Variants in RBFOX1 observed in about 807,000 individuals in gnomAD.
RBFOX1 encodes RNA binding fox-1 homolog 1, also known as RNA binding protein fox-1 homolog 1.
Under a neutral mutation model 57.7 loss-of-function variants are expected in RBFOX1, and 8 were observed. That is an observed-to-expected ratio of 0.14 (90% confidence interval 0.08 to 0.25). The LOEUF is 0.25. Among genes scored for constraint, RBFOX1 ranks in the 10% least tolerant of loss-of-function variants. RBFOX1 has a pLI of 1.00. For synonymous variants in RBFOX1, 326 were observed against 222.4 expected, an observed-to-expected ratio of 1.47 and a Z score of -4.15; for missense variants, 611 against 548.5, an observed-to-expected ratio of 1.11 and a Z score of -1.14.
chr16:6,949,150 C>T (rs7194835), intron 3 of RBFOX1, among the ~76,000 whole-genome samples: 5,253 of 152,080 alleles, frequency 0.035, 306 homozygotes, highest in African/African-American at 0.12. Context: ...GTAACTGATG[C>T]CTTCCCCCAC....
chr16:5,640,518 ACACACATG>A (rs1004916311), intron 3 of RBFOX1, among the ~76,000 whole-genome samples: 8 of 149,798 alleles, frequency 5.3e-5, no homozygotes, highest in African/African-American at 2.0e-4. Flanking sequence ...ACATGCACAT[ACACACATG>A]CACATACACA....
intron 4 of RBFOX1, among the ~76,000 whole-genome samples, chr16:5,929,716 A>C (rs2059009583): frequency 6.6e-6 from 1 of 151,970 alleles, no homozygotes; most frequent in South Asian, 2.1e-4. Context: ...TGTTTTTTTT[A>C]TGTTAAAATG....
chr16:6,142,433 G>C (rs1197515390), intron 1 of RBFOX1, among the ~76,000 whole-genome samples: 1 of 151,906 alleles, frequency 6.6e-6, no homozygotes, highest in Non-Finnish European at 1.5e-5. Flanking sequence ...ATGTTAGCCA[G>C]GATGGTCTCG....
At chr16:7,148,492 C>A (rs1482221800) in intron 4 of RBFOX1, among the ~76,000 whole-genome samples, 1 of 152,194 alleles carries the variant, frequency 6.6e-6, no homozygotes, top group African/African-American at 2.4e-5. Context: ...TTTTCACACG[C>A]CGGCAGGAGG....
rs1169182059 is a variant in RBFOX1 at position 6,670,432 on chromosome 16, A to G, written c.-16+15782A>G. On this transcript the variant is annotated intron_variant, in intron 3 of 15. Transcript: ENST00000550418. Reference sequence around the variant, plus strand: ...GTTTTCATGTTGATTGAATTCACCAATTCATAAGTTGACAAATCTTAATTT... The same window carrying G: ...GTTTTCATGTTGATTGAATTCACCAGTTCATAAGTTGACAAATCTTAATTT... Among the ~76,000 whole-genome samples, 14 of 152,132 alleles carry G rather than the reference A, an allele frequency of 9.2e-5. 1 individual carries two copies. The highest frequency in any genetic ancestry group is 3.2e-3 in the Middle Eastern group (1 of 314).
At chr16:6,244,801 C>T (rs1350676904) in intron 1 of RBFOX1, among the ~76,000 whole-genome samples, 5 of 152,188 alleles carry the variant, frequency 3.3e-5, no homozygotes, top group African/African-American at 1.2e-4. Context: ...AGCCAACACA[C>T]CCGGCAAACT....
At chr16:6,179,002 G>A (rs969711666) in intron 1 of RBFOX1, among the ~76,000 whole-genome samples, 3 of 152,156 alleles carry the variant, frequency 2.0e-5, no homozygotes, top group African/African-American at 7.2e-5. Context: ...AAAAATATTT[G>A]TATACCACTC....
chr16:5,730,831 T>C (rs892547487), intron 3 of RBFOX1, among the ~76,000 whole-genome samples: 4 of 152,096 alleles, frequency 2.6e-5, no homozygotes, highest in Non-Finnish European at 4.4e-5. Flanking sequence ...GTCACCACCA[T>C]TATCATCATC....
intron 3 of RBFOX1, among the ~76,000 whole-genome samples, chr16:6,847,637 G>A (rs1263787628): frequency 6.6e-6 from 1 of 152,082 alleles, no homozygotes. Flanking sequence ...AAGAATTGCT[G>A]CCAGTAATTC....
chr16:7,591,460 A>C (rs1375053502), intron 7 of RBFOX1, among the ~76,000 whole-genome samples: 1 of 152,218 alleles, frequency 6.6e-6, no homozygotes, highest in Non-Finnish European at 1.5e-5. Context: ...TAAAAATACA[A>C]AAGATGAAAA....
intron 4 of RBFOX1, among the ~76,000 whole-genome samples, chr16:7,061,788 C>A (rs932035334): frequency 6.6e-6 from 1 of 152,140 alleles, no homozygotes; most frequent in African/African-American, 2.4e-5. Flanking sequence ...ATTTCTATGA[C>A]TGATGCCTCA....
chr16:7,283,026 A>C (rs1391610880), intron 4 of RBFOX1, among the ~76,000 whole-genome samples: 1 of 152,022 alleles, frequency 6.6e-6, no homozygotes, highest in Non-Finnish European at 1.5e-5. Flanking sequence ...TTGGTTCCAC[A>C]TTTTTGCAAT....
intron 14 of RBFOX1, among the ~76,000 whole-genome samples, chr16:7,691,805 T>A (rs918982450): frequency 6.6e-6 from 1 of 152,124 alleles, no homozygotes; most frequent in African/African-American, 2.4e-5. Flanking sequence ...TGGGTAGAGC[T>A]GCCCCACCCT....
intron 4 of RBFOX1, among the ~76,000 whole-genome samples, chr16:7,277,225 G>C (rs1165609579): frequency 6.6e-6 from 1 of 152,084 alleles, no homozygotes; most frequent in Non-Finnish European, 1.5e-5. Flanking sequence ...CATCCTGGAG[G>C]AATGGTTTCT....
intron 2 of RBFOX1, among the ~76,000 whole-genome samples, chr16:5,568,406 A>G (rs1289145053): frequency 1.3e-5 from 2 of 152,186 alleles, no homozygotes; most frequent in African/African-American, 4.8e-5. Flanking sequence ...TGGACATCGT[A>G]TAATCTGTGA....
At chr16:5,873,509 G>A (rs553743774) in intron 4 of RBFOX1, among the ~76,000 whole-genome samples, 2 of 152,330 alleles carry the variant, frequency 1.3e-5, no homozygotes, top group African/African-American at 4.8e-5. Flanking sequence ...CTTAATTCAA[G>A]AGTCCAGAAT....
At chr16:6,778,901 AGTT>A (rs1288466474) in intron 3 of RBFOX1, among the ~76,000 whole-genome samples, 1 of 151,990 alleles carries the variant, frequency 6.6e-6, no homozygotes, top group Non-Finnish European at 1.5e-5. Flanking sequence ...GTTATGGAAG[AGTT>A]GTACATATTT....
At chr16:7,190,258 C>T (rs2085043089) in intron 4 of RBFOX1, among the ~76,000 whole-genome samples, 1 of 152,112 alleles carries the variant, frequency 6.6e-6, no homozygotes, top group Non-Finnish European at 1.5e-5. Context: ...ACTCGGGAGG[C>T]TGAGGCAGGA....
At chr16:6,239,007 T>C (rs997709694) in intron 1 of RBFOX1, among the ~76,000 whole-genome samples, 8 of 152,166 alleles carry the variant, frequency 5.3e-5, no homozygotes, top group Non-Finnish European at 1.0e-4. Context: ...TCTTTCTTAC[T>C]ATTTTTTTTT....
Sources: gnomAD v4.1 joint callset for allele counts (sites outside exome capture counted in the v4.1 genomes callset) on GRCh38, gnomAD v4.1.1 for gene constraint, MANE v1.5 for transcripts, NCBI Gene and HGNC (gene_info 2026-07-23, HGNC 2026-07-21) for gene names.